NR6A1: variants seen among roughly 807,000 people sequenced by gnomAD.
NR6A1 encodes retinoic acid receptor-related testis-associated receptor.
NR6A1 carries 7 observed loss-of-function variants against 59.1 expected under a neutral mutation model. The ratio of observed to expected loss-of-function variants is 0.12; its 90% CI spans 0.07 to 0.22. The LOEUF (loss-of-function observed/expected upper bound fraction) is 0.22. Ranked by LOEUF, NR6A1 falls within the 10% of genes least tolerant of loss-of-function variation. The pLI, the probability that NR6A1 is intolerant of heterozygous loss-of-function variation, is 1.00. For synonymous variants in NR6A1, 243 were observed against 236.1 expected (o/e 1.03, Z -0.27); for missense variants, 468 against 611.6 (o/e 0.77, Z 2.48).
At chr9:124,562,613 G>A (rs942809148) in intron 2 of NR6A1, among the ~76,000 whole-genome samples, 2 of 152,024 alleles carry the variant, frequency 1.3e-5, no homozygotes, top group African/African-American at 4.8e-5. Context: ...TTGTTTTTAA[G>A]TCAGAGATTA....
At chr9:124,624,071 C>T (rs989654148) in intron 2 of NR6A1, among the ~76,000 whole-genome samples, 1 of 152,084 alleles carries the variant, frequency 6.6e-6, no homozygotes, top group Non-Finnish European at 1.5e-5. Context: ...TAGTAAAGGG[C>T]AGAGCTAGAA....
chr9:124,704,700 T>C (rs1316693356), intron 2 of NR6A1, among the ~76,000 whole-genome samples: 1 of 152,204 alleles, frequency 6.6e-6, no homozygotes, highest in East Asian at 1.9e-4. Context: ...CTACATTTCA[T>C]AAATTTTGAT....
chr9:124,741,571 A>T (rs572584048), intron 1 of NR6A1, among the ~76,000 whole-genome samples: 50 of 152,380 alleles, frequency 3.3e-4, no homozygotes, highest in African/African-American at 9.1e-4. Flanking sequence ...TAAGTTGTAC[A>T]CTTCAAATGG....
intron 2 of NR6A1, among the ~76,000 whole-genome samples, chr9:124,707,862 G>T (rs1839178858): frequency 6.6e-6 from 1 of 152,104 alleles, no homozygotes; most frequent in African/African-American, 2.4e-5. Flanking sequence ...CAACCACCTT[G>T]AGCTCTTTCA....
At chr9:124,670,429 A>G (rs1189348057) in intron 2 of NR6A1, among the ~76,000 whole-genome samples, 1 of 150,784 alleles carries the variant, frequency 6.6e-6, no homozygotes, top group East Asian at 1.9e-4. Context: ...AATTTCTTTT[A>G]TTTGTCTATT....
intron 2 of NR6A1, among the ~76,000 whole-genome samples, chr9:124,560,194 C>T (rs1041327960): frequency 6.6e-6 from 1 of 152,222 alleles, no homozygotes; most frequent in Non-Finnish European, 1.5e-5. Context: ...GTTTCACAGG[C>T]ACCTAAAACC....
chr9:124,706,445 TTC>T (rs1417616016), intron 2 of NR6A1, among the ~76,000 whole-genome samples: 1 of 152,208 alleles, frequency 6.6e-6, no homozygotes, highest in African/African-American at 2.4e-5. Flanking sequence ...TCACAATAAA[TTC>T]TGTCTTTTTA....
At chr9:124,720,392 T>C (rs1839531256) in intron 2 of NR6A1, among the ~76,000 whole-genome samples, 1 of 152,166 alleles carries the variant, frequency 6.6e-6, no homozygotes, top group South Asian at 2.1e-4. Flanking sequence ...ATGATTTTAT[T>C]TAAACATCCT....
chr9:124,527,044 T>A (rs1339893807), intron 7 of NR6A1, 144 bp from the exon 8 acceptor site: 9 of 983,236 alleles, frequency 9.2e-6, no homozygotes. Flanking sequence ...TACAGGCAGA[T>A]CCATGCTTTG....
At chr9:124,678,205 G>A (rs1159982170) in intron 2 of NR6A1, among the ~76,000 whole-genome samples, 1 of 152,086 alleles carries the variant, frequency 6.6e-6, no homozygotes, top group Non-Finnish European at 1.5e-5. Context: ...ATGCTCCCAT[G>A]CCTAGAGGCT....
chr9:124,522,438 G>A lies in NR6A1; in HGVS notation c.*267C>T. 3.5e-6 allele frequency: 1 copy of A among 284,572 alleles called. No individual in the cohort carries two copies. The highest frequency in any genetic ancestry group is 5.1e-5 in the South Asian group (1 of 19,566). The allele number at this position is 284,572 out of a possible 1,614,324, so 17.6% of individuals were successfully genotyped here. A position where few individuals can be genotyped will look rare whatever the true frequency, so the allele number is the denominator to read the frequency against. Reference sequence around the variant, plus strand: ...GTAACATTAAACATCTTCACATTCTGTAAACTGTAAGAAAATGCATTGGCT... The same window carrying A: ...GTAACATTAAACATCTTCACATTCTATAAACTGTAAGAAAATGCATTGGCT... On this transcript the variant is annotated 3_prime_UTR_variant, in exon 10 of 10. Coordinates refer to ENST00000487099, the MANE Select transcript of NR6A1 (RefSeq NM_033334.4).
At chr9:124,716,528 A>G (rs1202032560) in intron 2 of NR6A1, among the ~76,000 whole-genome samples, 7 of 152,258 alleles carry the variant, frequency 4.6e-5, no homozygotes, top group African/African-American at 1.7e-4. Context: ...GCCACAGACT[A>G]GGAGAAAATA....
intron 2 of NR6A1, among the ~76,000 whole-genome samples, chr9:124,634,305 G>C (rs1449625522): frequency 1.3e-5 from 2 of 152,198 alleles, no homozygotes; most frequent in Non-Finnish European, 2.9e-5. Context: ...TCTTTGGATA[G>C]TGAAACTATA....
chr9:124,708,763 T>C (rs1381947434), intron 2 of NR6A1, among the ~76,000 whole-genome samples: 1 of 152,152 alleles, frequency 6.6e-6, no homozygotes, highest in African/African-American at 2.4e-5. Flanking sequence ...AAGTACACAA[T>C]CTCAGACTTT....
intron 1 of NR6A1, among the ~76,000 whole-genome samples, chr9:124,750,584 C>A (rs559778973): frequency 2.4e-4 from 37 of 152,140 alleles, no homozygotes; most frequent in African/African-American, 8.4e-4. Flanking sequence ...TATGGTGAAA[C>A]CCCGTCTCTA....
At chr9:124,715,969 G>A (rs144925452) in intron 2 of NR6A1, among the ~76,000 whole-genome samples, 5 of 152,272 alleles carry the variant, frequency 3.3e-5, no homozygotes, top group Non-Finnish European at 4.4e-5. Context: ...TTGGGAGGCC[G>A]AGGCAGGAGG....
intron 2 of NR6A1, among the ~76,000 whole-genome samples, chr9:124,579,631 T>A (rs1834703555): frequency 6.6e-6 from 1 of 152,016 alleles, no homozygotes; most frequent in South Asian, 2.1e-4. Flanking sequence ...GGTGAAAATG[T>A]GGAGCAACTA....
intron 2 of NR6A1, among the ~76,000 whole-genome samples, chr9:124,585,563 G>GAC (rs1564190574): frequency 7.3e-6 from 1 of 136,542 alleles, no homozygotes; most frequent in East Asian, 2.4e-4. Context: ...AAAAAAGGGG[G>GAC]GGGGGGGCAA....
At position 124,661,561 on chromosome 9, in the gene NR6A1, A is replaced by G. The variant is rs114667004; in HGVS notation, c.142+71747T>C. On this transcript the variant is annotated intron_variant, in intron 2 of 9. Transcript: ENST00000487099. ...CATGAATGGTCAAAAAAGGCTTTGGAAACATCAATTATTCTAATCTATTTG... is the reference window on the plus strand; with the variant it reads ...CATGAATGGTCAAAAAAGGCTTTGGGAACATCAATTATTCTAATCTATTTG... Among the ~76,000 whole-genome samples, 182 of 152,356 alleles carry G rather than the reference A, an allele frequency of 1.2e-3. 1 individual carries two copies. The highest frequency in any genetic ancestry group is 4.1e-3 in the African/African-American group (172 of 41,588).
Sources: gnomAD v4.1 joint callset for allele counts (sites outside exome capture counted in the v4.1 genomes callset) on GRCh38, gnomAD v4.1.1 for gene constraint, MANE v1.5 for transcripts, NCBI Gene and HGNC (gene_info 2026-07-23, HGNC 2026-07-21) for gene names.